RPRD2: variants seen among roughly 807,000 people sequenced by gnomAD.
The protein encoded by RPRD2 is regulation of nuclear pre-mRNA domain containing 2.
A neutral mutation model predicts 104.4 loss-of-function variants in RPRD2; 12 were observed. The ratio of observed to expected loss-of-function variants is 0.11; its 90% CI spans 0.07 to 0.19. The LOEUF (loss-of-function observed/expected upper bound fraction) is 0.19. Ranked by LOEUF, RPRD2 falls within the 10% of genes least tolerant of loss-of-function variation. The probability of loss-of-function intolerance (pLI) is 1.00; values close to 1 mark genes in which losing one functional copy is unlikely to be tolerated. For synonymous variants in RPRD2, 714 were observed against 684.9 expected (o/e 1.04, Z -0.66); for missense variants, 1,543 against 1,790.1 (o/e 0.86, Z 2.49).
intron 1 of RPRD2, among the ~76,000 whole-genome samples, chr1:150,396,791 ATACTC>A (rs1212635169): frequency 2.6e-5 from 4 of 152,142 alleles, no homozygotes; most frequent in East Asian, 3.8e-4. Flanking sequence ...ATTTCAAACT[ATACTC>A]TAAGGTCATA....
rs375246357 is a variant in RPRD2, at chr1:150,431,617, A to G, written c.336-9306A>G. Among the ~76,000 whole-genome samples the G allele has an allele frequency of 3.7e-4, 55 of 150,654 alleles. 1 individual carries two copies. In the East Asian group the frequency reaches 6.5e-3, roughly 18 times the overall value. Reference sequence around the variant, plus strand: ...TGCCTCAGCCTTCTGAGTAGCTGGGATTACAGGCGCGCGCCACCATACCCA... The same window carrying G: ...TGCCTCAGCCTTCTGAGTAGCTGGGGTTACAGGCGCGCGCCACCATACCCA... On this transcript the variant is annotated intron_variant, in intron 2 of 10. Coordinates refer to ENST00000369068, the MANE Select transcript of RPRD2 (RefSeq NM_015203.5).
At chr1:150,419,916 A>G (rs112490454) in intron 2 of RPRD2, among the ~76,000 whole-genome samples, 7,315 of 152,142 alleles carry the variant, frequency 0.048, 444 homozygotes, top group African/African-American at 0.13. Flanking sequence ...GAGTGAGCCA[A>G]CGCACCTGGC....
intron 1 of RPRD2, among the ~76,000 whole-genome samples, chr1:150,368,205 G>GTTTTTTTTTTTTTT (rs10572674): frequency 8.9e-6 from 1 of 112,744 alleles, no homozygotes; most frequent in Non-Finnish European, 1.8e-5. Flanking sequence ...CTTATTTCTT[G>GTTTTTTTTTTTTTT]TTTTTTTTTT....
At position 150,475,608 on chromosome 1, in the gene RPRD2, A is replaced by G. The variant is rs1353557969; in HGVS notation, c.*2274A>G. 6.6e-6 allele frequency: 1 copy of G among 152,576 alleles called. No individual in the cohort carries two copies. The highest frequency in any genetic ancestry group is 1.5e-5 in the Non-Finnish European group (1 of 68,032). The allele number at this position is 152,576 out of a possible 1,614,324, so 9.5% of individuals were successfully genotyped here. ...TGTTTTTTAAGCCACAAAATCCTCA[A>G]TATGTTTGTTTTAGGATGGAAGTGA... On this transcript the variant is annotated 3_prime_UTR_variant, in exon 11 of 11. Coordinates refer to ENST00000369068, the MANE Select transcript of RPRD2 (RefSeq NM_015203.5).
chr1:150,370,181 G>A (rs927242555), intron 1 of RPRD2, among the ~76,000 whole-genome samples: 8 of 152,038 alleles, frequency 5.3e-5, no homozygotes, highest in Non-Finnish European at 8.8e-5. Flanking sequence ...CAAAGTGGTA[G>A]GATTACAGGC....
At chr1:150,415,334 T>A (rs1486653500) in intron 1 of RPRD2, among the ~76,000 whole-genome samples, 1 of 150,818 alleles carries the variant, frequency 6.6e-6, no homozygotes, top group Non-Finnish European at 1.5e-5. Context: ...GTCTCAAAAA[T>A]AATAATAATA....
chr1:150,472,562 T>A lies in RPRD2; in HGVS notation c.3614T>A (p.Phe1205Tyr), dbSNP rs1668660102. ...PPSPLEHGTP[F>Y]QREPVGPSSA... ...TCCCCCTTGGAACATGGGACACCCT[T>A]CCAGAGAGAGCCAGTGGGGCCATCA... The change falls in exon 11 of 11, where the codon TTC (phenylalanine) becomes TAC (tyrosine). Residue 1205 changes from phenylalanine to tyrosine, a missense_variant. By Grantham distance (22) the Phe-to-Tyr change is conservative (BLOSUM62 3). This residue lies in a region of RPRD2 where 880 missense variants were observed against 885.6 expected (regional missense o/e 0.99). Transcript: ENST00000369068. 6.2e-7 allele frequency: 1 copy of A among 1,613,796 alleles called. No individual in the cohort carries two copies. Among genetic ancestry groups the A allele is most frequent in the African/African-American group, 1.3e-5 (1 of 74,904 alleles).
chr1:150,458,851 G>T (rs1276274744), intron 8 of RPRD2, among the ~76,000 whole-genome samples: 1 of 152,020 alleles, frequency 6.6e-6, no homozygotes, highest in East Asian at 1.9e-4. Context: ...ACCATGTTGG[G>T]CAGGCTGGTC....
At chr1:150,444,157 GT>G (rs1392809448) in intron 5 of RPRD2, 93 bp from the exon 6 acceptor site, 2 of 1,285,548 alleles carry the variant, frequency 1.6e-6, no homozygotes, top group African/African-American at 1.5e-5. Context: ...TGTTTGTTTT[GT>G]TTTGTTTTGT....
chr1:150,393,407 G>A (rs1209463578), intron 1 of RPRD2, among the ~76,000 whole-genome samples: 1 of 138,898 alleles, frequency 7.2e-6, no homozygotes, highest in Non-Finnish European at 1.5e-5. Flanking sequence ...GCAGTGAAGT[G>A]TGATCTGCCA....
chr1:150,440,439 C>T (rs1431877296), intron 2 of RPRD2, among the ~76,000 whole-genome samples: 1 of 152,186 alleles, frequency 6.6e-6, no homozygotes, highest in Non-Finnish European at 1.5e-5. Flanking sequence ...TAAACCAATA[C>T]CCTTTACTTC....
chr1:150,409,799 C>T (rs144695300), intron 1 of RPRD2, among the ~76,000 whole-genome samples: 3,059 of 152,058 alleles, frequency 0.02, 131 homozygotes, highest in African/African-American at 0.071. Context: ...CGCATGCCAC[C>T]ACACCCGGCT....
chr1:150,407,786 T>C (rs1181427598), intron 1 of RPRD2, among the ~76,000 whole-genome samples: 1 of 152,254 alleles, frequency 6.6e-6, no homozygotes, highest in African/African-American at 2.4e-5. Flanking sequence ...TATTTAAATA[T>C]TCAAGTGACA....
intron 10 of RPRD2, 104 bp from the exon 11 acceptor site, chr1:150,470,457 C>A: frequency 8.2e-7 from 1 of 1,214,288 alleles, no homozygotes; most frequent in Non-Finnish European, 1.1e-6. Flanking sequence ...CTTTGTCTAT[C>A]TGGTTCCCAC....
At chr1:150,464,820 T>C in intron 10 of RPRD2, 93 bp downstream of exon 10, 3 of 813,384 alleles carry the variant, frequency 3.7e-6, no homozygotes, top group Non-Finnish European at 6.0e-6. Context: ...TCCAGAGCCA[T>C]AAAATGTATA....
intron 2 of RPRD2, among the ~76,000 whole-genome samples, chr1:150,438,490 G>A (rs1036062287): frequency 1.3e-5 from 2 of 151,932 alleles, no homozygotes; most frequent in East Asian, 1.9e-4. Context: ...TTAGCTGGGC[G>A]TGGTGGCAGG....
chr1:150,383,294 C>A (rs1661282695), intron 1 of RPRD2, among the ~76,000 whole-genome samples: 1 of 150,730 alleles, frequency 6.6e-6, no homozygotes, highest in African/African-American at 2.5e-5. Flanking sequence ...GAGACCTGGC[C>A]TCAAATAAGA....
intron 1 of RPRD2, among the ~76,000 whole-genome samples, chr1:150,398,947 T>C (rs1392012938): frequency 1.3e-5 from 2 of 152,210 alleles, no homozygotes; most frequent in Admixed American, 6.6e-5. Flanking sequence ...AGAAATCCTT[T>C]AATTCAAAGT....
At chr1:150,463,798 GTATT>G (rs1668090682) in intron 9 of RPRD2, among the ~76,000 whole-genome samples, 1 of 152,180 alleles carries the variant, frequency 6.6e-6, no homozygotes, top group African/African-American at 2.4e-5. Context: ...TCAGCCAGCA[GTATT>G]TATTGAGCGC....
Sources: allele counts gnomAD v4.1 joint callset (sites outside exome capture counted in the v4.1 genomes callset), GRCh38; gene constraint gnomAD v4.1.1; regional missense constraint gnomAD v4.1.1; transcripts MANE v1.5; gene names NCBI Gene and HGNC (gene_info 2026-07-23, HGNC 2026-07-21).